CRYBG1: variants seen among roughly 807,000 people sequenced by gnomAD.
CRYBG1 encodes beta/gamma crystallin domain-containing protein 1.
A neutral mutation model predicts 189.2 loss-of-function variants in CRYBG1; 139 were observed. That is an observed-to-expected ratio of 0.73 (90% CI 0.64 to 0.85). CRYBG1 has a LOEUF of 0.85. CRYBG1 is among the 40% of genes least tolerant of loss of function. CRYBG1 has a pLI of 0.00. For synonymous variants in CRYBG1, 1,023 were observed against 1,017.1 expected (o/e 1.01, Z -0.11); for missense variants, 2,611 against 2,675.8 (o/e 0.98, Z 0.53).
chr6:106,560,785 G>A lies in CRYBG1; in HGVS notation c.5856-18G>A, dbSNP rs1774694295. ...TCAAATGAAAATTGCCACTTACTGTGGTTATTTTTGTTTTCAGATGGGTTA... is the reference window on the plus strand; with the variant it reads ...TCAAATGAAAATTGCCACTTACTGTAGTTATTTTTGTTTTCAGATGGGTTA... On this transcript the variant is annotated intron_variant, in intron 18 of 21. Coordinates refer to ENST00000633556, the MANE Select transcript of CRYBG1 (RefSeq NM_001371242.2). 6.3e-7 allele frequency: 1 copy of A among 1,596,428 alleles called. No homozygotes were observed. The highest frequency in any genetic ancestry group is 8.5e-7 in the Non-Finnish European group (1 of 1,173,340).
chr6:106,455,490 T>TAA (rs34376532), intron 2 of CRYBG1, among the ~76,000 whole-genome samples: 2 of 145,002 alleles, frequency 1.4e-5, no homozygotes, highest in East Asian at 2.0e-4. Context: ...AGTGTTTCTT[T>TAA]AAAAAAAAAA....
chr6:106,432,303 AATT>A (rs1424236599), intron 1 of CRYBG1, among the ~76,000 whole-genome samples: 2 of 152,200 alleles, frequency 1.3e-5, no homozygotes, highest in African/African-American at 4.8e-5. Context: ...CATCAAGAGA[AATT>A]ATACAACTTT....
intron 2 of CRYBG1, among the ~76,000 whole-genome samples, chr6:106,502,942 T>C (rs1351180340): frequency 6.6e-6 from 1 of 152,210 alleles, no homozygotes; most frequent in Non-Finnish European, 1.5e-5. Context: ...AAATAACATA[T>C]GCCTCATGCC....
At chr6:106,535,533 A>G (rs1390825877) in intron 8 of CRYBG1, among the ~76,000 whole-genome samples, 1 of 152,208 alleles carries the variant, frequency 6.6e-6, no homozygotes, top group Non-Finnish European at 1.5e-5. Context: ...CTGCATAAGT[A>G]TCATTATTAC....
chr6:106,429,944 C>T (rs1465444623), intron 1 of CRYBG1, among the ~76,000 whole-genome samples: 1 of 152,032 alleles, frequency 6.6e-6, no homozygotes. Context: ...CTCCTACTGC[C>T]CTGTTCATTT....
intron 2 of CRYBG1, among the ~76,000 whole-genome samples, chr6:106,460,394 TGAAGATA>T (rs1368233181): frequency 1.3e-5 from 2 of 152,242 alleles, no homozygotes; most frequent in African/African-American, 2.4e-5. Context: ...TTTACCTTGC[TGAAGATA>T]TTGTGCTAAA....
intron 15 of CRYBG1, 77 bp from the exon 16 acceptor site, chr6:106,553,378 G>C (rs139062175): frequency 1.1e-6 from 1 of 932,514 alleles, no homozygotes; most frequent in African/African-American, 1.7e-5. Context: ...GTCATGTTTA[G>C]GTCATCATTT....
At chr6:106,423,030 G>A (rs980670833) in intron 1 of CRYBG1, among the ~76,000 whole-genome samples, 1 of 152,148 alleles carries the variant, frequency 6.6e-6, no homozygotes. Flanking sequence ...CAAAGCCTTG[G>A]AGGATATCAG....
intron 1 of CRYBG1, among the ~76,000 whole-genome samples, chr6:106,396,105 G>A (rs185702778): frequency 1.6e-4 from 24 of 152,262 alleles, no homozygotes; most frequent in Admixed American, 1.5e-3. Context: ...TTCTGGATCT[G>A]CTATTTTACT....
chr6:106,461,658 G>T (rs1422303702), intron 2 of CRYBG1, among the ~76,000 whole-genome samples: 1 of 152,160 alleles, frequency 6.6e-6, no homozygotes, highest in Non-Finnish European at 1.5e-5. Flanking sequence ...GCCACTGGCT[G>T]CAGTGACTCA....
chr6:106,477,846 G>T (rs994056004), intron 2 of CRYBG1, among the ~76,000 whole-genome samples: 2 of 152,242 alleles, frequency 1.3e-5, no homozygotes, highest in South Asian at 4.1e-4. Context: ...GGGTGTGAAG[G>T]TTTTCTTCCT....
At chr6:106,545,111 G>A (rs1046884060) in intron 13 of CRYBG1, among the ~76,000 whole-genome samples, 178 bp downstream of exon 13, 4 of 152,072 alleles carry the variant, frequency 2.6e-5, no homozygotes, top group African/African-American at 7.2e-5. Context: ...TTTAAAAATC[G>A]TTCTCATACC....
At chr6:106,441,309 G>A (rs927007690) in intron 1 of CRYBG1, among the ~76,000 whole-genome samples, 30 of 152,170 alleles carry the variant, frequency 2.0e-4, no homozygotes, top group Admixed American at 1.8e-3. Flanking sequence ...CTTGTGACTA[G>A]CATCTTTGCA....
At chr6:106,459,840 A>C (rs1273716466) in intron 2 of CRYBG1, among the ~76,000 whole-genome samples, 2 of 152,224 alleles carry the variant, frequency 1.3e-5, no homozygotes, top group African/African-American at 2.4e-5. Context: ...AATAGATACT[A>C]TCAAATTGTC....
Position 106,512,455 on chromosome 6 carries a change from G to A in CRYBG1, c.1338G>A (p.Ala446=). The A allele has an allele frequency of 6.2e-7, 1 of 1,610,834 alleles. No homozygotes were observed. The highest frequency in any genetic ancestry group is 1.7e-5 in the Admixed American group (1 of 59,772). Residue 446 remains alanine (A), a synonymous_variant, in exon 3 of 22, where the codon GCG becomes GCA. Transcript: ENST00000633556. ...CTGAGAGCGCTGCCAGGGACGACGC[G>A]GTGTTCGACGACGAGGTGGCGCCAA... ...ELPESAARDD[A]VFDDEVAPNA...
chr6:106,441,897 C>T (rs1771574182), intron 1 of CRYBG1, among the ~76,000 whole-genome samples: 1 of 152,130 alleles, frequency 6.6e-6, no homozygotes, highest in Non-Finnish European at 1.5e-5. Flanking sequence ...ATAAGGAAAT[C>T]TCTCTCATAT....
In CRYBG1 at chr6:106,568,493, A is replaced by G. The variant is rs1174450815; in HGVS notation, c.6323A>G (p.Asn2108Ser). 3 of 1,613,946 alleles carry G rather than the reference A, an allele frequency of 1.9e-6. No individual in the cohort carries two copies. The highest frequency in any genetic ancestry group is 1.6e-4 in the Middle Eastern group (1 of 6,062). ...DIKGGTQYDQ[N>S]HIILNTVSKE... ...TTAGGGGGCACACAGTATGATCAAA[A>G]TCACATTATCCTCAACACTGTCAGC... The change falls in exon 22 of 22, where the codon AAT becomes AGT. Residue 2108 changes from asparagine to serine, a missense_variant. By Grantham distance (46) the Asn-to-Ser change is conservative. Around this residue, in one of 3 missense-constraint regions of CRYBG1, gnomAD observed 1,622 missense variants for 1,735.0 expected, o/e 0.93. Coordinates refer to ENST00000633556, the MANE Select transcript of CRYBG1 (RefSeq NM_001371242.2).
chr6:106,442,923 T>C (rs1395484428), intron 1 of CRYBG1, among the ~76,000 whole-genome samples: 2 of 152,196 alleles, frequency 1.3e-5, no homozygotes, highest in East Asian at 3.8e-4. Flanking sequence ...TACCAGACAA[T>C]GAAGTTAGGG....
intron 3 of CRYBG1, among the ~76,000 whole-genome samples, chr6:106,515,908 C>T (rs2114530938): frequency 6.6e-6 from 1 of 151,508 alleles, no homozygotes; most frequent in African/African-American, 2.4e-5. Flanking sequence ...ATCCTCCCAC[C>T]TCAGCCTCCC....
Sources: allele counts gnomAD v4.1 joint callset (sites outside exome capture counted in the v4.1 genomes callset), GRCh38; gene constraint gnomAD v4.1.1; regional missense constraint gnomAD v4.1.1; transcripts MANE v1.5; gene names NCBI Gene and HGNC (gene_info 2026-07-23, HGNC 2026-07-21).